EPS15: variants seen among roughly 807,000 people sequenced by gnomAD.
The protein encoded by EPS15 is epidermal growth factor receptor pathway substrate 15, also known as epidermal growth factor receptor substrate 15.
EPS15 carries 72 observed loss-of-function variants against 113.8 expected under a neutral mutation model. The observed-to-expected ratio is 0.63, with a 90% CI of 0.52 to 0.77. The LOEUF is 0.77. Among genes scored for constraint, EPS15 ranks in the 30% least tolerant of loss-of-function variants. The pLI is 0.00. For missense variants in EPS15, 1,048 were observed against 1,045.8 expected (o/e 1.00, Z -0.03); for synonymous variants, 344 against 363.4 (o/e 0.95, Z 0.61).
At chr1:51,431,634 C>T (rs1051018281) in intron 12 of EPS15, among the ~76,000 whole-genome samples, 10 of 151,874 alleles carry the variant, frequency 6.6e-5, no homozygotes, top group Admixed American at 2.6e-4. Flanking sequence ...TTACTAGAGA[C>T]GGGGTTTCAC....
chr1:51,490,373 GACCATC>G (rs1426170934), intron 1 of EPS15: 2 of 390,204 alleles, frequency 5.1e-6, no homozygotes, highest in Non-Finnish European at 1.0e-5. Context: ...AGACCAGCCT[GACCATC>G]ATGGTGAAAC....
intron 11 of EPS15, among the ~76,000 whole-genome samples, chr1:51,441,933 T>C (rs1246650182): frequency 2.0e-5 from 3 of 152,120 alleles, no homozygotes; most frequent in African/African-American, 4.8e-5. Context: ...GGTACATCAA[T>C]AAAATTTGGC....
chr1:51,502,595 C>T (rs564820433), intron 1 of EPS15, among the ~76,000 whole-genome samples: 1 of 152,134 alleles, frequency 6.6e-6, no homozygotes, highest in East Asian at 1.9e-4. Flanking sequence ...CTAAGGTATC[C>T]ACTAAAAACT....
chr1:51,444,863 T>A (rs1009458728), intron 11 of EPS15, 26 bp downstream of exon 11: 1 of 1,599,788 alleles, frequency 6.3e-7, no homozygotes, highest in Non-Finnish European at 8.5e-7. Flanking sequence ...ATTAATACAT[T>A]CAGGTTTCCT....
At chr1:51,507,612 G>T (rs1024236378) in intron 1 of EPS15, among the ~76,000 whole-genome samples, 1 of 151,470 alleles carries the variant, frequency 6.6e-6, no homozygotes, top group Non-Finnish European at 1.5e-5. Context: ...AGTGGGCTGA[G>T]ATCACGTCAC....
chr1:51,417,172 C>A (rs551359574), intron 13 of EPS15, among the ~76,000 whole-genome samples: 1 of 151,998 alleles, frequency 6.6e-6, no homozygotes, highest in South Asian at 2.1e-4. Flanking sequence ...ATAAGTCATC[C>A]CTCTTCATCT....
chr1:51,401,144 T>G (rs776301384), intron 18 of EPS15, 191 bp from the exon 19 acceptor site: 2 of 439,878 alleles, frequency 4.5e-6, no homozygotes, highest in Admixed American at 4.4e-5. Context: ...TGATCACAAG[T>G]TGAGGTTACG....
intron 1 of EPS15, among the ~76,000 whole-genome samples, 169 bp downstream of exon 1, chr1:51,519,030 G>A (rs183360439): frequency 2.0e-4 from 30 of 151,440 alleles, no homozygotes; most frequent in Admixed American, 5.9e-4. Context: ...CGGCTCCGGA[G>A]GGCGCCCTCC....
intron 12 of EPS15, 88 bp downstream of exon 12, chr1:51,440,259 T>C: frequency 2.1e-6 from 1 of 473,174 alleles, no homozygotes. Context: ...GAGGAAGTTG[T>C]ATACATATAT....
intron 1 of EPS15, among the ~76,000 whole-genome samples, chr1:51,501,091 A>G (rs545706440): frequency 6.6e-6 from 1 of 152,148 alleles, no homozygotes; most frequent in Non-Finnish European, 1.5e-5. Flanking sequence ...GTCTTTGTGA[A>G]AATTACATGT....
chr1:51,409,499 T>A (rs745957675), intron 14 of EPS15, 36 bp downstream of exon 14: 1 of 1,561,238 alleles, frequency 6.4e-7, no homozygotes, highest in South Asian at 1.2e-5. Context: ...GCAACTAATG[T>A]ATAGGTGCAG....
chr1:51,478,978 T>C (rs762050003), intron 2 of EPS15, among the ~76,000 whole-genome samples: 1 of 152,172 alleles, frequency 6.6e-6, no homozygotes, highest in African/African-American at 2.4e-5. Flanking sequence ...GCATTCTCTA[T>C]ATTTCCTGAA....
chr1:51,498,901 G>A (rs1424767696), intron 1 of EPS15, among the ~76,000 whole-genome samples: 1 of 152,180 alleles, frequency 6.6e-6, no homozygotes, highest in South Asian at 2.1e-4. Context: ...CCATTAAGGG[G>A]TGATAAAGTC....
In EPS15 at chr1:51,354,946, T is replaced by A. The variant is rs1361513427; in HGVS notation, c.*1754A>T. On this transcript the variant is annotated 3_prime_UTR_variant, in exon 25 of 25. Coordinates refer to ENST00000371733, the MANE Select transcript of EPS15 (RefSeq NM_001981.3). Reference sequence around the variant, plus strand: ...AGAAAGTTGTTCAAGTCAACTTACCTTTATCCTAAGGAGTAAGAGGAAGAA... The same window carrying A: ...AGAAAGTTGTTCAAGTCAACTTACCATTATCCTAAGGAGTAAGAGGAAGAA... 1.4e-5 allele frequency: 3 copies of A among 214,244 alleles called. No homozygotes were observed. The highest frequency in any genetic ancestry group is 6.8e-5 in the African/African-American group (3 of 44,278). 13.3% of individuals were successfully genotyped at this position (214,244 alleles called of 1,614,324 possible). A position where few individuals can be genotyped will look rare whatever the true frequency, so the allele number is the denominator to read the frequency against.
At chr1:51,388,980 C>A (rs1382980492) in intron 21 of EPS15, among the ~76,000 whole-genome samples, 1 of 152,334 alleles carries the variant, frequency 6.6e-6, no homozygotes, top group East Asian at 1.9e-4. Context: ...AGGCCAGCAT[C>A]ATCCTGATAC....
intron 12 of EPS15, among the ~76,000 whole-genome samples, chr1:51,439,467 A>T (rs1173805045): frequency 6.6e-6 from 1 of 152,088 alleles, no homozygotes; most frequent in Non-Finnish European, 1.5e-5. Context: ...TCTGCTTCAA[A>T]GTGTTGTGAG....
At chr1:51,449,684 G>A (rs1653375655) in intron 8 of EPS15, among the ~76,000 whole-genome samples, 1 of 151,802 alleles carries the variant, frequency 6.6e-6, no homozygotes, top group African/African-American at 2.4e-5. Context: ...CCACACGGAA[G>A]ACAGAGTTAT....
intron 1 of EPS15, among the ~76,000 whole-genome samples, chr1:51,493,867 G>A (rs1189618957): frequency 6.6e-6 from 1 of 151,820 alleles, no homozygotes; most frequent in South Asian, 2.1e-4. Flanking sequence ...CACCAGCCTC[G>A]GCCTCCCAAA....
chr1:51,382,965 T>TTTATGAATATTTTTGTAAAAATA (rs1289296345), intron 21 of EPS15, among the ~76,000 whole-genome samples: 1 of 152,200 alleles, frequency 6.6e-6, no homozygotes, highest in African/African-American at 2.4e-5. Context: ...ATCAATATCC[T>TTTATGAATATTTTTGTAAAAATA]TTATGAATAT....
Sources: allele counts gnomAD v4.1 joint callset (sites outside exome capture counted in the v4.1 genomes callset), GRCh38; gene constraint gnomAD v4.1.1; transcripts MANE v1.5; gene names NCBI Gene and HGNC (gene_info 2026-07-23, HGNC 2026-07-21).